PDCD1LG2: variants seen among roughly 807,000 people sequenced by gnomAD.
The protein encoded by PDCD1LG2 is B7 dendritic cell molecule.
PDCD1LG2 carries 32 observed loss-of-function variants against 28.2 expected under a neutral mutation model. The observed-to-expected ratio is 1.13, with a 90% CI of 0.86 to 1.52. PDCD1LG2 has a LOEUF of 1.52. Among genes scored for constraint, PDCD1LG2 ranks in the 40% most tolerant of loss-of-function variants. The pLI, the probability that PDCD1LG2 is intolerant of heterozygous loss-of-function variation, is 0.00. For missense variants in PDCD1LG2, 385 were observed against 323.8 expected (o/e 1.19, Z -1.45); for synonymous variants, 116 against 120.2 (o/e 0.97, Z 0.23).
At position 5,570,849 on chromosome 9, in the gene PDCD1LG2, T is replaced by G. The variant is rs1586825996; in HGVS notation, c.*890T>G. 8.6e-6 allele frequency: 2 copies of G among 232,894 alleles called. No individual in the cohort carries two copies. Among genetic ancestry groups the G allele is most frequent in the East Asian group, 1.2e-4 (2 of 16,512 alleles). The allele number at this position is 232,894 out of a possible 1,614,324, so 14.4% of individuals were successfully genotyped here. A position where few individuals can be genotyped will look rare whatever the true frequency, so the allele number is the denominator to read the frequency against. ...CTCAATATGACTTTAAATTTGACTT[T>G]TCAGTGCCTCAGTTTGCACATCTGT... On this transcript the variant is annotated 3_prime_UTR_variant, in exon 7 of 7. Transcript: ENST00000397747.
chr9:5,512,893 T>G (rs758527202), intron 1 of PDCD1LG2, among the ~76,000 whole-genome samples: 41 of 152,188 alleles, frequency 2.7e-4, no homozygotes, highest in Admixed American at 7.2e-4. Context: ...CTTTGTCTCT[T>G]GTGCATGGCT....
intron 3 of PDCD1LG2, among the ~76,000 whole-genome samples, chr9:5,544,975 T>C (rs1281709667): frequency 2.0e-5 from 3 of 152,232 alleles, no homozygotes; most frequent in Admixed American, 6.5e-5. Flanking sequence ...CAAAGACTAC[T>C]ATCTGGAAAT....
chr9:5,550,757 G>A (rs1048104560), intron 4 of PDCD1LG2, among the ~76,000 whole-genome samples: 11 of 151,512 alleles, frequency 7.3e-5, no homozygotes, highest in Admixed American at 2.6e-4. Flanking sequence ...GCAGTGGCAC[G>A]ATCCCGGCTC....
chr9:5,538,457 G>A (rs1411128131), intron 3 of PDCD1LG2, among the ~76,000 whole-genome samples: 1 of 151,404 alleles, frequency 6.6e-6, no homozygotes, highest in African/African-American at 2.4e-5. Context: ...AGGCCAAGGC[G>A]GGTGGATCAT....
Position 5,557,679 on chromosome 9 carries a change from C to T in PDCD1LG2, c.693C>T (p.Ile231=), listed in dbSNP as rs1191746043. ...TTCACATTTTCATCCCCTTCTGCAT[C>T]ATTGCTTTCATTTTCATAGCCACAG... is the stretch of plus-strand genomic sequence containing the variant. ...WLLHIFIPFC[I]IAFIFIATVI... is the part of the protein sequence containing the mutation. The change falls in exon 5 of 7, where the codon ATC becomes ATT. Residue 231 remains isoleucine, a synonymous_variant. Coordinates refer to ENST00000397747, the MANE Select transcript of PDCD1LG2 (RefSeq NM_025239.4). 6.2e-7 allele frequency: 1 copy of T among 1,613,574 alleles called. No homozygotes were observed. Among genetic ancestry groups the T allele is most frequent in the South Asian group, 1.1e-5 (1 of 91,072 alleles).
At chr9:5,564,639 C>A (rs918163188) in intron 6 of PDCD1LG2, among the ~76,000 whole-genome samples, 1 of 152,204 alleles carries the variant, frequency 6.6e-6, no homozygotes, top group Non-Finnish European at 1.5e-5. Flanking sequence ...TTTTCATCAT[C>A]ATCATGTCAT....
intron 4 of PDCD1LG2, among the ~76,000 whole-genome samples, chr9:5,556,159 T>C (rs192539921): frequency 6.6e-6 from 1 of 152,236 alleles, no homozygotes; most frequent in African/African-American, 2.4e-5. Flanking sequence ...TCTTCAGGGA[T>C]GAGTAGGGCT....
At chr9:5,540,261 T>G (rs796576729) in intron 3 of PDCD1LG2, among the ~76,000 whole-genome samples, 1 of 152,162 alleles carries the variant, frequency 6.6e-6, no homozygotes, top group South Asian at 2.1e-4. Context: ...TTCATAGCAT[T>G]AAATGCCTAC....
intron 2 of PDCD1LG2, among the ~76,000 whole-genome samples, chr9:5,532,593 C>T (rs80057323): frequency 0.014 from 2,092 of 152,206 alleles, 45 homozygotes; most frequent in African/African-American, 0.047. Context: ...CTGGTCTTTG[C>T]CTTCAAAGAT....
intron 1 of PDCD1LG2, among the ~76,000 whole-genome samples, chr9:5,512,552 A>G (rs1820082538): frequency 6.6e-6 from 1 of 152,002 alleles, no homozygotes; most frequent in African/African-American, 2.4e-5. Context: ...CTGCTCTCCA[A>G]ATTTTGGGAC....
chr9:5,542,287 C>G (rs764981656), intron 3 of PDCD1LG2, among the ~76,000 whole-genome samples: 4 of 152,024 alleles, frequency 2.6e-5, no homozygotes, highest in Non-Finnish European at 4.4e-5. Context: ...ACTTCGTGAC[C>G]AAGAACCCAA....
intron 3 of PDCD1LG2, among the ~76,000 whole-genome samples, chr9:5,540,036 C>G (rs1820658845): frequency 6.6e-6 from 1 of 152,146 alleles, no homozygotes; most frequent in Non-Finnish European, 1.5e-5. Flanking sequence ...AAAATTATAT[C>G]AAGTACTCTC....
chr9:5,563,072 G>C, intron 5 of PDCD1LG2, 90 bp from the exon 6 acceptor site: 1 of 1,084,914 alleles, frequency 9.2e-7, no homozygotes, highest in Non-Finnish European at 1.4e-6. Context: ...GATTTATTTA[G>C]ATTTACTTTT....
chr9:5,564,475 T>G (rs768499050), intron 6 of PDCD1LG2, among the ~76,000 whole-genome samples: 20 of 152,202 alleles, frequency 1.3e-4, no homozygotes, highest in Non-Finnish European at 2.6e-4. Context: ...CTTGGTACAA[T>G]GAAGAGACTA....
chr9:5,540,631 C>A (rs1586807204), intron 3 of PDCD1LG2, among the ~76,000 whole-genome samples: 1 of 149,394 alleles, frequency 6.7e-6, no homozygotes, highest in East Asian at 2.0e-4. Context: ...TGGATACATT[C>A]CTGGAAATAT....
chr9:5,529,430 C>T (rs536825616), intron 2 of PDCD1LG2, among the ~76,000 whole-genome samples: 1 of 152,300 alleles, frequency 6.6e-6, no homozygotes, highest in East Asian at 1.9e-4. Context: ...CATTCAATAG[C>T]CTTTGAATCT....
intron 4 of PDCD1LG2, among the ~76,000 whole-genome samples, chr9:5,552,298 G>A (rs1359757079): frequency 6.6e-6 from 1 of 152,050 alleles, no homozygotes; most frequent in African/African-American, 2.4e-5. Context: ...TCACTGGTCT[G>A]CCAATATTAA....
intron 6 of PDCD1LG2, among the ~76,000 whole-genome samples, chr9:5,563,437 A>G (rs990696570): frequency 1.3e-5 from 2 of 152,230 alleles, no homozygotes; most frequent in Admixed American, 1.3e-4. Flanking sequence ...ATGATACTGC[A>G]CTGGACCTCT....
At chr9:5,519,482 C>T (rs2129710507) in intron 1 of PDCD1LG2, among the ~76,000 whole-genome samples, 1 of 152,264 alleles carries the variant, frequency 6.6e-6, no homozygotes, top group South Asian at 2.1e-4. Context: ...ATACACACTG[C>T]CATTTGCCTT....
Sources: gnomAD v4.1 joint callset for allele counts (sites outside exome capture counted in the v4.1 genomes callset) on GRCh38, gnomAD v4.1.1 for gene constraint, MANE v1.5 for transcripts, NCBI Gene and HGNC (gene_info 2026-07-23, HGNC 2026-07-21) for gene names.